Variants in RABGAP1L observed in about 807,000 individuals in gnomAD.
RABGAP1L encodes the protein rab GTPase-activating protein 1-like.
In RABGAP1L, 63 loss-of-function variants were observed where a neutral mutation model predicts 137.7. The ratio of observed to expected loss-of-function variants is 0.46; its 90% CI spans 0.37 to 0.56. RABGAP1L has a LOEUF of 0.56. Ranked by LOEUF, RABGAP1L falls within the 20% of genes least tolerant of loss-of-function variation. The probability of loss-of-function intolerance (pLI) is 0.00; values close to 1 mark genes in which losing one functional copy is unlikely to be tolerated. For missense variants in RABGAP1L, 1,095 were observed against 1,244.0 expected (o/e 0.88, Z 1.80); for synonymous variants, 431 against 433.7 (o/e 0.99, Z 0.08).
chr1:174,624,487 A>G (rs548659255), intron 13 of RABGAP1L, among the ~76,000 whole-genome samples: 2 of 152,322 alleles, frequency 1.3e-5, no homozygotes, highest in East Asian at 1.9e-4. Flanking sequence ...TGTCTTGCAC[A>G]TAACAAATGT....
intron 7 of RABGAP1L, among the ~76,000 whole-genome samples, chr1:174,271,535 T>C (rs879501822): frequency 9.2e-5 from 14 of 152,112 alleles, no homozygotes; most frequent in Non-Finnish European, 1.8e-4. Flanking sequence ...GTATGTGTTG[T>C]TGGCAGAGGG....
chr1:174,850,333 A>C (rs1456424793), intron 19 of RABGAP1L, among the ~76,000 whole-genome samples: 1 of 152,184 alleles, frequency 6.6e-6, no homozygotes, highest in East Asian at 1.9e-4. Flanking sequence ...CTTCCCAAAT[A>C]CATATGCTTT....
In RABGAP1L at chr1:174,832,293, AAAAAAGAAAAAAGAAAAAG is replaced by A. The variant is rs994636059; in HGVS notation, c.2340+20357_2340+20375del. Among the ~76,000 whole-genome samples, 22 of 146,686 alleles carry A rather than the reference AAAAAAGAAAAAAGAAAAAG, an allele frequency of 1.5e-4. 2 individuals carry two copies. The highest frequency in any genetic ancestry group is 3.4e-4 in the Admixed American group (5 of 14,702). On this transcript the variant is annotated intron_variant, in intron 19 of 25. Coordinates refer to ENST00000681986, the MANE Select transcript of RABGAP1L (RefSeq NM_001366446.1). ...GGGCGATAGAGCAAGACTCTATCTC[AAAAAAGAAAAAAGAAAAAG>A]AAAAAGAAAAAAGAAAAAGAAAAGG...
chr1:174,432,526 T>C (rs1332902385), intron 13 of RABGAP1L, among the ~76,000 whole-genome samples: 1 of 152,266 alleles, frequency 6.6e-6, no homozygotes, highest in East Asian at 1.9e-4. Flanking sequence ...GACAATGATA[T>C]TTCTTTTCTT....
chr1:174,823,121 C>A (rs1274469996), intron 19 of RABGAP1L, among the ~76,000 whole-genome samples: 1 of 152,162 alleles, frequency 6.6e-6, no homozygotes, highest in Non-Finnish European at 1.5e-5. Flanking sequence ...GCTATCTCAC[C>A]TAGTAGTTTA....
At chr1:174,936,973 T>A (rs1664910477) in intron 19 of RABGAP1L, among the ~76,000 whole-genome samples, 1 of 129,162 alleles carries the variant, frequency 7.7e-6, no homozygotes, top group South Asian at 2.4e-4. Flanking sequence ...TAAGATTAAT[T>A]TTTTTTTTTT....
chr1:174,859,135 C>A (rs2149013257), intron 19 of RABGAP1L, among the ~76,000 whole-genome samples: 1 of 152,198 alleles, frequency 6.6e-6, no homozygotes. Flanking sequence ...ACACTATTCA[C>A]AATAGCAAAG....
intron 1 of RABGAP1L, among the ~76,000 whole-genome samples, chr1:174,180,146 C>T (rs1270007210): frequency 1.3e-5 from 2 of 152,148 alleles, no homozygotes; most frequent in Admixed American, 6.5e-5. Context: ...ATAAGAATAG[C>T]TTCCAATTCA....
chr1:174,899,608 T>G (rs1434417662), intron 19 of RABGAP1L, among the ~76,000 whole-genome samples: 1 of 152,194 alleles, frequency 6.6e-6, no homozygotes, highest in African/African-American at 2.4e-5. Flanking sequence ...TAGAAAGAAG[T>G]AACAGAGTAT....
At chr1:174,790,766 A>AGT (rs113486055) in intron 18 of RABGAP1L, among the ~76,000 whole-genome samples, 4,984 of 137,244 alleles carry the variant, frequency 0.036, 254 homozygotes, top group African/African-American at 0.12. Context: ...TGAAGCCATG[A>AGT]GTGTGTGTGT....
intron 13 of RABGAP1L, among the ~76,000 whole-genome samples, chr1:174,540,906 T>C (rs1665349978): frequency 6.6e-6 from 1 of 152,218 alleles, no homozygotes; most frequent in Non-Finnish European, 1.5e-5. Flanking sequence ...TTTCAAAATA[T>C]TGATTATTCC....
chr1:174,322,843 C>G (rs977534053), intron 11 of RABGAP1L, among the ~76,000 whole-genome samples: 1 of 152,052 alleles, frequency 6.6e-6, no homozygotes, highest in African/African-American at 2.4e-5. Flanking sequence ...TTCTGCTAAG[C>G]AAGAACCACA....
chr1:174,700,749 A>C, intron 16 of RABGAP1L: 1 of 184,358 alleles, frequency 5.4e-6, no homozygotes, highest in Non-Finnish European at 1.1e-5. Context: ...AGAATCTGGT[A>C]AATATGGATA....
At chr1:174,797,254 A>G (rs1216253129) in intron 18 of RABGAP1L, among the ~76,000 whole-genome samples, 1 of 152,114 alleles carries the variant, frequency 6.6e-6, no homozygotes, top group Non-Finnish European at 1.5e-5. Flanking sequence ...TTAAAAAGTC[A>G]ACTAGAAAAA....
intron 18 of RABGAP1L, among the ~76,000 whole-genome samples, chr1:174,766,432 G>T (rs1329281): frequency 1.3e-5 from 2 of 151,990 alleles, no homozygotes; most frequent in Non-Finnish European, 2.9e-5. Flanking sequence ...TATTTCTGGA[G>T]TCTCTATTCC....
chr1:174,879,208 C>G (rs1010823840), intron 19 of RABGAP1L, among the ~76,000 whole-genome samples: 1 of 151,478 alleles, frequency 6.6e-6, no homozygotes, highest in Non-Finnish European at 1.5e-5. Context: ...TCAAGTGATT[C>G]TCCTGCTTCA....
rs1386301028 is a variant in RABGAP1L at position 174,752,499 on chromosome 1, C to T, written c.2211+145C>T. ...GACTTCTCTGAGAAACTCTGATCCTCTTCCCTCCTCTCATCTTTTTCTGTT... is the reference window on the plus strand; with the variant it reads ...GACTTCTCTGAGAAACTCTGATCCTTTTCCCTCCTCTCATCTTTTTCTGTT... On this transcript the variant is annotated intron_variant, in intron 18 of 25. Coordinates refer to ENST00000681986, the MANE Select transcript of RABGAP1L (RefSeq NM_001366446.1). The T allele has an allele frequency of 5.5e-6, 3 of 544,836 alleles. No homozygotes were observed. The African/African-American group carries it at 6.0e-5, about 11-fold the overall frequency. The allele number at this position is 544,836 out of a possible 1,614,324, so 33.8% of individuals were successfully genotyped here. A position where few individuals can be genotyped will look rare whatever the true frequency, so the allele number is the denominator to read the frequency against.
intron 12 of RABGAP1L, among the ~76,000 whole-genome samples, chr1:174,391,612 G>A (rs1323375192): frequency 6.6e-6 from 1 of 152,164 alleles, no homozygotes; most frequent in African/African-American, 2.4e-5. Context: ...AAAGTGCTGG[G>A]ATTATGGATA....
At chr1:174,800,608 T>A (rs1688672762) in intron 18 of RABGAP1L, 1 of 1,448,004 alleles carries the variant, frequency 6.9e-7, no homozygotes, top group South Asian at 1.4e-5. Flanking sequence ...CTTCTCCTTC[T>A]CCCCATTCTG....
Sources: allele counts gnomAD v4.1 joint callset (sites outside exome capture counted in the v4.1 genomes callset), GRCh38; gene constraint gnomAD v4.1.1; transcripts MANE v1.5; gene names NCBI Gene and HGNC (gene_info 2026-07-23, HGNC 2026-07-21).